The following GLDC variants were observed in gnomAD, a reference collection of about 807,000 sequenced individuals.
GLDC encodes glycine dehydrogenase (decarboxylating), mitochondrial.
Under a neutral mutation model 121.3 loss-of-function variants are expected in GLDC, and 104 were observed. That is an observed-to-expected ratio of 0.86 (90% CI 0.73 to 1.01). The LOEUF (loss-of-function observed/expected upper bound fraction) is 1.01, where lower values mean the gene tolerates loss of function less well. GLDC is among the 50% of genes least tolerant of loss of function. The pLI, the probability that GLDC is intolerant of heterozygous loss-of-function variation, is 0.00. For missense variants in GLDC, 1,429 were observed against 1,306.6 expected, an observed-to-expected ratio of 1.09 and a Z score of -1.44; for synonymous variants, 546 against 480.6, an observed-to-expected ratio of 1.14 and a Z score of -1.78.
intron 8 of GLDC, among the ~76,000 whole-genome samples, chr9:6,600,941 G>A (rs1034640650): frequency 2.0e-5 from 3 of 152,124 alleles, no homozygotes; most frequent in South Asian, 2.1e-4. Context: ...TTGGGAGGCC[G>A]AGGTGGGTGG....
intron 15 of GLDC, among the ~76,000 whole-genome samples, chr9:6,568,423 A>T (rs1365635103): frequency 6.6e-6 from 1 of 152,220 alleles, no homozygotes; most frequent in Non-Finnish European, 1.5e-5. Context: ...AGGACAGGCT[A>T]GGTCAGTGCT....
Position 6,587,269 on chromosome 9 carries a change from T to G in GLDC, c.1722A>C (p.Lys574Asn), listed in dbSNP as rs1554646530. 5 of 1,613,780 alleles carry G rather than the reference T, an allele frequency of 3.1e-6. No individual in the cohort carries two copies. Among genetic ancestry groups the G allele is most frequent in the Non-Finnish European group, 4.2e-6 (5 of 1,179,636 alleles). Residue 574 changes from lysine to asparagine, a missense_variant, in exon 15 of 25, where the codon AAA (lysine) becomes AAC (asparagine). Transcript: ENST00000321612. ...CAAAGGGGTGGATGTTTGCAAATTC[T>G]TTCCATGTGATAGGCTGAAAAGAAA... ...SSSELAPITW[K>N]EFANIHPFVP...
chr9:6,589,184 G>T lies in GLDC; in HGVS notation c.1580+11C>A. The T allele has an allele frequency of 6.5e-7, 1 of 1,527,490 alleles. No individual in the cohort carries two copies. The allele number at this position is 1,527,490 out of a possible 1,614,324, so 94.6% of individuals were successfully genotyped here. On this transcript the variant is annotated intron_variant, in intron 12 of 24. Transcript: ENST00000321612. Reference sequence around the variant, plus strand: ...AGCACAAAACGCAGAAGTCACACAAGACACACAAACCTGTTGAACACTTGA... The same window carrying T: ...AGCACAAAACGCAGAAGTCACACAATACACACAAACCTGTTGAACACTTGA...
At chr9:6,548,610 T>C (rs910514439) in intron 21 of GLDC, among the ~76,000 whole-genome samples, 3 of 152,168 alleles carry the variant, frequency 2.0e-5, no homozygotes, top group Non-Finnish European at 4.4e-5. Flanking sequence ...ATCACAGCTA[T>C]AGAGCTACAT....
At chr9:6,623,618 A>T (rs182232364) in intron 2 of GLDC, among the ~76,000 whole-genome samples, 68 of 152,322 alleles carry the variant, frequency 4.5e-4, no homozygotes, top group South Asian at 1.5e-3. Context: ...TCAATAAAAA[A>T]AAAAATAAAA....
At chr9:6,544,588 G>A (rs1286973286) in intron 21 of GLDC, among the ~76,000 whole-genome samples, 1 of 146,990 alleles carries the variant, frequency 6.8e-6, no homozygotes, top group African/African-American at 2.5e-5. Context: ...GCAGTGAGCC[G>A]AGATTGCACC....
chr9:6,537,689 G>A (rs946646970), intron 22 of GLDC, among the ~76,000 whole-genome samples: 10 of 152,110 alleles, frequency 6.6e-5, no homozygotes, highest in South Asian at 2.1e-4. Flanking sequence ...GCTGAGGTGG[G>A]AGGATCACTT....
intron 2 of GLDC, among the ~76,000 whole-genome samples, chr9:6,638,199 TTTTG>T (rs759455136): frequency 3.2e-4 from 48 of 151,750 alleles, no homozygotes; most frequent in Non-Finnish European, 6.0e-4. Context: ...TTGCTTGAGT[TTTTG>T]TTTGTTTGTT....
chr9:6,557,466 C>T (rs534287842), intron 17 of GLDC, among the ~76,000 whole-genome samples: 10 of 152,012 alleles, frequency 6.6e-5, no homozygotes, highest in African/African-American at 1.2e-4. Flanking sequence ...TGGTGGCACA[C>T]GCCTGTAGTC....
intron 8 of GLDC, among the ~76,000 whole-genome samples, chr9:6,595,669 G>A (rs1818477919): frequency 6.6e-6 from 1 of 152,134 alleles, no homozygotes; most frequent in Non-Finnish European, 1.5e-5. Flanking sequence ...TGGCAAAAAC[G>A]GCAATGCGCA....
chr9:6,604,170 G>C (rs956207418), intron 7 of GLDC, among the ~76,000 whole-genome samples: 3 of 152,114 alleles, frequency 2.0e-5, no homozygotes, highest in African/African-American at 7.2e-5. Context: ...ATGGCCACGT[G>C]GCGGAAGCCT....
intron 16 of GLDC, among the ~76,000 whole-genome samples, chr9:6,563,709 T>C (rs1817800806): frequency 6.6e-6 from 1 of 152,220 alleles, no homozygotes; most frequent in African/African-American, 2.4e-5. Flanking sequence ...ATGAACAAAC[T>C]GTGGGGGAAT....
chr9:6,603,717 CT>C (rs1396735995), intron 7 of GLDC, among the ~76,000 whole-genome samples: 1 of 128,776 alleles, frequency 7.8e-6, no homozygotes, highest in Admixed American at 7.4e-5. Flanking sequence ...TCCCCCGCTC[CT>C]TTTTTTTCCT....
chr9:6,624,914 G>T (rs1411278343), intron 2 of GLDC, among the ~76,000 whole-genome samples: 5 of 151,972 alleles, frequency 3.3e-5, no homozygotes, highest in African/African-American at 1.2e-4. Context: ...CTTGAACCAG[G>T]GAGGCGGAGA....
intron 3 of GLDC, among the ~76,000 whole-genome samples, chr9:6,616,093 C>T (rs1818962642): frequency 6.6e-6 from 1 of 152,214 alleles, no homozygotes; most frequent in Non-Finnish European, 1.5e-5. Flanking sequence ...GCCACCATGC[C>T]TGGCTTAGGA....
At chr9:6,556,967 T>C (rs1817646662) in intron 17 of GLDC, among the ~76,000 whole-genome samples, 1 of 152,150 alleles carries the variant, frequency 6.6e-6, no homozygotes, top group East Asian at 1.9e-4. Flanking sequence ...ACGTTTGTGG[T>C]TCTAGGTGCG....
At chr9:6,533,595 G>A (rs891902477) in intron 24 of GLDC, among the ~76,000 whole-genome samples, 1 of 150,666 alleles carries the variant, frequency 6.6e-6, no homozygotes, top group South Asian at 2.1e-4. Flanking sequence ...GCAGTGGCTC[G>A]TGCCTTTAAT....
intron 15 of GLDC, among the ~76,000 whole-genome samples, chr9:6,576,444 T>G (rs2129795592): frequency 6.6e-6 from 1 of 152,194 alleles, no homozygotes; most frequent in Non-Finnish European, 1.5e-5. Context: ...GCCGTCACCT[T>G]GGAGTTATAA....
At position 6,605,190 on chromosome 9, in the gene GLDC, C is replaced by T. The variant is rs1818705192; in HGVS notation, c.802G>A (p.Asp268Asn). 1.2e-6 allele frequency: 2 copies of T among 1,613,656 alleles called. No individual in the cohort carries two copies. Among genetic ancestry groups the T allele is most frequent in the Admixed American group, 1.7e-5 (1 of 59,994 alleles). ...DVSGVLFQYP[D>N]TEGKVEDFTE... Reference sequence around the variant, plus strand: ...AAGTCTTCCACCTTCCCCTCCGTGTCTGGGTACTGGAACAACACTCCACTG... The same window carrying T: ...AAGTCTTCCACCTTCCCCTCCGTGTTTGGGTACTGGAACAACACTCCACTG... The change falls in exon 6 of 25, where the codon GAC (aspartate) becomes AAC (asparagine). Residue 268 changes from aspartate (D) to asparagine (N), a missense_variant. Coordinates refer to ENST00000321612, the MANE Select transcript of GLDC (RefSeq NM_000170.3).
Sources: gnomAD v4.1 joint callset for allele counts (sites outside exome capture counted in the v4.1 genomes callset) on GRCh38, gnomAD v4.1.1 for gene constraint, MANE v1.5 for transcripts, NCBI Gene and HGNC (gene_info 2026-07-23, HGNC 2026-07-21) for gene names.